Variants in DRC12 observed in about 807,000 individuals in gnomAD.
DRC12 encodes dynein regulatory complex protein 12.
chr11:119,195,075 G>T, the DRC12 span: 1 of 1,251,302 alleles, frequency 8.0e-7, no homozygotes, highest in Non-Finnish European at 1.1e-6. Context: ...CCCACACCCT[G>T]CACTTTTGCC....
chr11:119,194,623 T>C, the DRC12 span, among the ~76,000 whole-genome samples: 6 of 150,616 alleles, frequency 4.0e-5, no homozygotes, highest in African/African-American at 1.5e-4. Context: ...GGGAAGATTG[T>C]TGCGGCCCAG....
At chr11:119,192,347 T>C in the DRC12 span, among the ~76,000 whole-genome samples, 2 of 152,226 alleles carry the variant, frequency 1.3e-5, no homozygotes, top group African/African-American at 4.8e-5. Context: ...GCTGAGATAT[T>C]TCAACATTAT....
chr11:119,193,546 TGGC>T, the DRC12 span: 3 of 1,413,538 alleles, frequency 2.1e-6, no homozygotes, highest in Non-Finnish European at 1.9e-6. Flanking sequence ...ATCAAGCACA[TGGC>T]ACCAGGCATC....
At chr11:119,193,985 T>C in the DRC12 span, 1 of 1,237,238 alleles carries the variant, frequency 8.1e-7, no homozygotes, top group Non-Finnish European at 1.1e-6. Context: ...AATCTGGTGG[T>C]GGGGTGTCCA....
chr11:119,193,373 C>A, the DRC12 span: 1 of 875,030 alleles, frequency 1.1e-6, no homozygotes, highest in Non-Finnish European at 1.8e-6. Context: ...CTTCTTGGTT[C>A]TTTTTGTGAT....
At chr11:119,193,880 G>A in the DRC12 span, 50 of 1,551,116 alleles carry the variant, frequency 3.2e-5, no homozygotes, top group African/African-American at 6.9e-5. Context: ...TCATCCCTCC[G>A]TAGAGCTGTG....
At chr11:119,190,837 G>T in the DRC12 span, 1 of 1,611,396 alleles carries the variant, frequency 6.2e-7, no homozygotes. The surrounding 1 kb of genome is among the most constrained non-coding windows in gnomAD (Gnocchi z 4.2). Context: ...CCTTTGGCAT[G>T]CCTCTGGGGG....
chr11:119,194,541 A>AAAAAAG, the DRC12 span, among the ~76,000 whole-genome samples: 28 of 66,034 alleles, frequency 4.2e-4, 3 homozygotes, highest in East Asian at 1.2e-3. Context: ...AAAAAAAAAA[A>AAAAAAG]AAAATAAATA....
the DRC12 span, chr11:119,190,884 A>G: frequency 1.9e-6 from 3 of 1,589,714 alleles, no homozygotes; most frequent in African/African-American, 1.3e-5. The surrounding 1 kb of genome is among the most constrained non-coding windows in gnomAD (Gnocchi z 4.2). Context: ...GTGACACTCT[A>G]TCCTTGACCA....
chr11:119,190,365 C>T, the DRC12 span: 4 of 1,613,592 alleles, frequency 2.5e-6, no homozygotes, highest in Admixed American at 5.0e-5. This position sits in a 1 kb window ranked among gnomAD's most constrained non-coding sequence, Gnocchi z 4.2. Flanking sequence ...CGTTGCTGCT[C>T]CTTGTGCCTG....
At chr11:119,193,517 C>G in the DRC12 span, 1 of 1,291,258 alleles carries the variant, frequency 7.7e-7, no homozygotes, top group African/African-American at 1.5e-5. Context: ...GCTATGACTG[C>G]ATGTGTATCC....
At chr11:119,193,461 G>T in the DRC12 span, 1 of 1,019,646 alleles carries the variant, frequency 9.8e-7, no homozygotes, top group Non-Finnish European at 1.4e-6. Flanking sequence ...AGCTTTGGAT[G>T]GGGATGCTAG....
At chr11:119,191,515 T>C in the DRC12 span, among the ~76,000 whole-genome samples, 3 of 151,864 alleles carry the variant, frequency 2.0e-5, no homozygotes, top group East Asian at 1.9e-4. Flanking sequence ...TCAGTAAACA[T>C]TGATTCATTG....
chr11:119,195,442 T>C, the DRC12 span: 1 of 1,551,478 alleles, frequency 6.4e-7, no homozygotes, highest in Non-Finnish European at 8.7e-7. Context: ...TTTTTCTTCT[T>C]CTGTGCCCCA....
At chr11:119,191,140 G>A in the DRC12 span, among the ~76,000 whole-genome samples, 2 of 148,998 alleles carry the variant, frequency 1.3e-5, no homozygotes, top group Admixed American at 1.3e-4. Context: ...TCACTCTGTC[G>A]CCAGGCTGGA....
the DRC12 span, chr11:119,193,714 T>C: frequency 6.5e-7 from 1 of 1,544,064 alleles, no homozygotes; most frequent in Non-Finnish European, 8.8e-7. Flanking sequence ...CCCTGTTGGT[T>C]GTCCTCCTCC....
the DRC12 span, chr11:119,193,174 ACTT>A: frequency 1.2e-6 from 2 of 1,613,978 alleles, no homozygotes; most frequent in East Asian, 2.2e-5. Context: ...AAGGCCTTTG[ACTT>A]CTTCCTCCAG....
the DRC12 span, among the ~76,000 whole-genome samples, chr11:119,191,428 CA>C: frequency 6.6e-6 from 1 of 151,882 alleles, no homozygotes; most frequent in African/African-American, 2.4e-5. Flanking sequence ...GAGAATGACA[CA>C]TCCCTCAGGG....
chr11:119,192,525 T>C, the DRC12 span, among the ~76,000 whole-genome samples: 24 of 152,230 alleles, frequency 1.6e-4, no homozygotes, highest in Non-Finnish European at 2.9e-4. Flanking sequence ...CTTAGTTTCA[T>C]TGTAGAAATC....
Sources: gnomAD v4.1 joint callset for allele counts (sites outside exome capture counted in the v4.1 genomes callset) on GRCh38, gnomAD v4.1.1 for gene constraint, Gnocchi (gnomAD v3.1) non-coding constraint, MANE v1.5 for transcripts, NCBI Gene and HGNC (gene_info 2026-07-23, HGNC 2026-07-21) for gene names.